TMEM132B: variants seen among roughly 807,000 people sequenced by gnomAD.
The protein encoded by TMEM132B is transmembrane protein 132B.
A neutral mutation model predicts 90.8 loss-of-function variants in TMEM132B; 18 were observed. The ratio of observed to expected loss-of-function variants is 0.20; its 90% CI spans 0.14 to 0.29. The LOEUF is 0.29. Among genes scored for constraint, TMEM132B ranks in the 10% least tolerant of loss-of-function variants. The pLI, the probability that TMEM132B is intolerant of heterozygous loss-of-function variation, is 1.00. For missense variants in TMEM132B, 1,096 were observed against 1,326.8 expected (o/e 0.83, Z 2.70); for synonymous variants, 504 against 523.3 (o/e 0.96, Z 0.50).
chr12:125,465,977 T>C (rs553287500), intron 3 of TMEM132B, among the ~76,000 whole-genome samples: 3 of 152,310 alleles, frequency 2.0e-5, no homozygotes, highest in African/African-American at 7.2e-5. Context: ...CCATGCTTCC[T>C]GTAGGGCATG....
At chr12:125,287,731 C>G (rs537424987) in intron 1 of TMEM132B, among the ~76,000 whole-genome samples, 1 of 152,208 alleles carries the variant, frequency 6.6e-6, no homozygotes, top group Non-Finnish European at 1.5e-5. Flanking sequence ...CCAGAACAAA[C>G]AAATGCACAT....
At chr12:125,298,056 C>T (rs1382576075) in intron 1 of TMEM132B, among the ~76,000 whole-genome samples, 1 of 152,114 alleles carries the variant, frequency 6.6e-6, no homozygotes, top group Admixed American at 6.5e-5. Flanking sequence ...AGTTCGAGAC[C>T]AGTCTGGGCA....
At chr12:125,452,200 T>A (rs1881171254) in intron 3 of TMEM132B, among the ~76,000 whole-genome samples, 1 of 152,188 alleles carries the variant, frequency 6.6e-6, no homozygotes, top group African/African-American at 2.4e-5. Context: ...TTAAAATTTT[T>A]TTTGATGTCT....
intron 5 of TMEM132B, among the ~76,000 whole-genome samples, chr12:125,603,297 A>C (rs1343816056): frequency 1.3e-5 from 2 of 152,158 alleles, no homozygotes; most frequent in Non-Finnish European, 2.9e-5. Flanking sequence ...CTCAGAAATA[A>C]CACCACATCT....
intron 2 of TMEM132B, among the ~76,000 whole-genome samples, chr12:125,402,786 C>T (rs1353035414): frequency 1.3e-5 from 2 of 152,112 alleles, no homozygotes; most frequent in Non-Finnish European, 2.9e-5. Flanking sequence ...TTTATCCTTC[C>T]GTATGTAATC....
chr12:125,363,192 G>A (rs1275099664), intron 2 of TMEM132B, among the ~76,000 whole-genome samples: 2 of 152,170 alleles, frequency 1.3e-5, no homozygotes, highest in East Asian at 1.9e-4. Flanking sequence ...AAACTTAAGT[G>A]TAAATAAAGT....
intron 2 of TMEM132B, among the ~76,000 whole-genome samples, chr12:125,354,999 G>C (rs1281698448): frequency 6.6e-6 from 1 of 151,948 alleles, no homozygotes; most frequent in African/African-American, 2.4e-5. Context: ...ATGCATTGGG[G>C]AAATGGTGGA....
chr12:125,416,574 G>A (rs2136364381), intron 3 of TMEM132B, among the ~76,000 whole-genome samples: 1 of 152,362 alleles, frequency 6.6e-6, no homozygotes, highest in East Asian at 1.9e-4. Context: ...TGGGTGGAGG[G>A]GAGCATGAGA....
chr12:125,252,654 CAG>C (rs1344768812), intron 1 of TMEM132B, among the ~76,000 whole-genome samples: 1 of 152,206 alleles, frequency 6.6e-6, no homozygotes, highest in Admixed American at 6.5e-5. Flanking sequence ...ACTTTTGTCT[CAG>C]AGAAGTCTTC....
At chr12:125,249,674 G>A (rs1293749293) in intron 1 of TMEM132B, among the ~76,000 whole-genome samples, 1 of 152,220 alleles carries the variant, frequency 6.6e-6, no homozygotes, top group Non-Finnish European at 1.5e-5. Flanking sequence ...GGTAATTACT[G>A]GCAATGTCAG....
chr12:125,584,100 G>T, intron 5 of TMEM132B, 106 bp downstream of exon 5: 5 of 1,542,052 alleles, frequency 3.2e-6, no homozygotes, highest in Non-Finnish European at 4.5e-6. Context: ...TGCTCTAAAG[G>T]GCTGGAGGCC....
Position 125,367,099 on chromosome 12 carries a change from A to AC in TMEM132B, c.959+16757dup, listed in dbSNP as rs144999699. Among the ~76,000 whole-genome samples the AC allele has an allele frequency of 2.6e-3, 392 of 152,284 alleles. 1 individual carries two copies. Among genetic ancestry groups the AC allele is most frequent in the Non-Finnish European group, 4.9e-3 (332 of 68,014 alleles). On this transcript the variant is annotated intron_variant, in intron 2 of 8. Transcript: ENST00000682704. ...CGTATTTTCTTTTACATCACTGATG[A>AC]CAGTTGTAATTAGCAACTTTAAAAT...
At chr12:125,463,812 G>T (rs1314409561) in intron 3 of TMEM132B, among the ~76,000 whole-genome samples, 1 of 152,166 alleles carries the variant, frequency 6.6e-6, no homozygotes, top group African/African-American at 2.4e-5. Context: ...TTGAGACTGG[G>T]TAATTTATAA....
chr12:125,307,962 TTAAG>T (rs1174612639), intron 1 of TMEM132B, among the ~76,000 whole-genome samples: 4 of 135,738 alleles, frequency 2.9e-5, no homozygotes, highest in Non-Finnish European at 6.1e-5. Flanking sequence ...TATATATATA[TTAAG>T]TAATATAAGT....
chr12:125,499,643 C>T (rs528931587), intron 3 of TMEM132B, among the ~76,000 whole-genome samples: 47 of 152,248 alleles, frequency 3.1e-4, no homozygotes, highest in South Asian at 6.2e-4. Context: ...GGGCTATAAA[C>T]GCCCTCATCT....
chr12:125,459,938 T>C lies in TMEM132B; in HGVS notation c.1106+44261T>C, dbSNP rs1385203230. On this transcript the variant is annotated intron_variant, in intron 3 of 8. Transcript: ENST00000682704. The surrounding 1 kb of genome is among the most constrained non-coding windows in gnomAD (Gnocchi z 4.1). Reference sequence around the variant, plus strand: ...TTGGCTCTCATTTCCCTCTCTTGCCTGCTGCCATGTAAGACGTGCCTTTCA... The same window carrying C: ...TTGGCTCTCATTTCCCTCTCTTGCCCGCTGCCATGTAAGACGTGCCTTTCA... 6.6e-6 allele frequency among the ~76,000 whole-genome samples: 1 copy of C among 152,218 alleles called. No homozygotes were observed.
intron 1 of TMEM132B, among the ~76,000 whole-genome samples, chr12:125,296,004 CT>C (rs1030342605): frequency 6.6e-6 from 1 of 152,156 alleles, no homozygotes; most frequent in African/African-American, 2.4e-5. Flanking sequence ...AATGACATTT[CT>C]TTTTACACTT....
chr12:125,300,429 C>T (rs1324622776), intron 1 of TMEM132B, among the ~76,000 whole-genome samples: 1 of 152,146 alleles, frequency 6.6e-6, no homozygotes, highest in Non-Finnish European at 1.5e-5. Context: ...CCCCAAGTGG[C>T]ATCAGATGGC....
At chr12:125,515,802 TACAC>T (rs1445881772) in intron 3 of TMEM132B, among the ~76,000 whole-genome samples, 4 of 146,342 alleles carry the variant, frequency 2.7e-5, no homozygotes, top group Non-Finnish European at 6.0e-5. Context: ...TTCACACAAA[TACAC>T]ATTCTATCAA....
Sources: allele counts gnomAD v4.1 joint callset (sites outside exome capture counted in the v4.1 genomes callset), GRCh38; gene constraint gnomAD v4.1.1; non-coding constraint Gnocchi (gnomAD v3.1); transcripts MANE v1.5; gene names NCBI Gene and HGNC (gene_info 2026-07-23, HGNC 2026-07-21).